The following TBCK variants were observed in gnomAD, a reference collection of about 807,000 sequenced individuals.
TBCK encodes TBC1 domain containing kinase, also known as TBC domain-containing protein kinase-like protein.
Under a neutral mutation model 113.4 loss-of-function variants are expected in TBCK, and 99 were observed. That is an observed-to-expected ratio of 0.87 (90% CI 0.74 to 1.03). TBCK has a LOEUF of 1.03. Ranked by LOEUF, TBCK falls within the 50% of genes least tolerant of loss-of-function variation. The pLI is 0.00. For missense variants in TBCK, 1,045 were observed against 1,061.3 expected (o/e 0.98, Z 0.21); for synonymous variants, 369 against 370.8 (o/e 1.00, Z 0.05).
chr4:106,045,980 T>A lies in TBCK; in HGVS notation c.*590A>T, dbSNP rs1486706218. ...GACCAAATATTCTATCAAATATAAA[T>A]GGTTTCTAAATTTCATTTTTCTGGG... On this transcript the variant is annotated 3_prime_UTR_variant, in exon 26 of 26. Coordinates refer to ENST00000394708, the MANE Select transcript of TBCK (RefSeq NM_001163435.3). 2 of 152,206 alleles carry A rather than the reference T, an allele frequency of 1.3e-5. No homozygotes were observed. Among genetic ancestry groups the A allele is most frequent in the Admixed American group, 6.5e-5 (1 of 15,280 alleles). 9.4% of individuals were successfully genotyped at this position (152,206 alleles called of 1,614,324 possible).
intron 2 of TBCK, among the ~76,000 whole-genome samples, chr4:106,306,222 A>C (rs1237383773): frequency 2.1e-5 from 3 of 144,542 alleles, no homozygotes; most frequent in Non-Finnish European, 3.0e-5. Context: ...GGAACAAGAC[A>C]CCATGCCTGG....
rs1385051662 is a variant in TBCK at position 106,187,230 on chromosome 4, T to C, written c.2059+6379A>G. Among the ~76,000 whole-genome samples, 4 of 152,228 alleles carry C rather than the reference T, an allele frequency of 2.6e-5. No individual in the cohort carries two copies. The East Asian group carries it at 7.7e-4, about 29-fold the overall frequency. ...TGCTTTGGTGATTCGGGCTCTTTTT[T>C]GGTTCCATATAAATTTTAGAATATT... On this transcript the variant is annotated intron_variant, in intron 22 of 25. Transcript: ENST00000394708.
intron 6 of TBCK, chr4:106,251,154 G>A: frequency 2.6e-6 from 1 of 390,646 alleles, no homozygotes; most frequent in South Asian, 2.0e-5. Flanking sequence ...ATATAAATTT[G>A]GCAAACTACT....
intron 2 of TBCK, among the ~76,000 whole-genome samples, chr4:106,299,433 T>C (rs1044517509): frequency 3.3e-5 from 5 of 152,248 alleles, no homozygotes; most frequent in African/African-American, 1.2e-4. Context: ...TCTTCATATC[T>C]ATAAGAGATT....
intron 22 of TBCK, among the ~76,000 whole-genome samples, chr4:106,184,718 G>A (rs1405439233): frequency 1.3e-5 from 2 of 151,860 alleles, no homozygotes; most frequent in African/African-American, 2.4e-5. Flanking sequence ...ATATGTTACC[G>A]GGCTCCAGAT....
At chr4:106,296,994 A>C (rs1232830983) in intron 2 of TBCK, among the ~76,000 whole-genome samples, 4 of 151,646 alleles carry the variant, frequency 2.6e-5, no homozygotes, top group Middle Eastern at 3.4e-3. Context: ...CCAAAAGAAG[A>C]AGCTGCATTC....
In TBCK at chr4:106,308,901, T is replaced by G. The variant is rs775570874; in HGVS notation, c.60A>C (p.Pro20=). The change falls in exon 2 of 26, where the codon CCA becomes CCC. Residue 20 remains proline (P), a synonymous_variant. Coordinates refer to ENST00000394708, the MANE Select transcript of TBCK (RefSeq NM_001163435.3). Reference sequence around the variant, plus strand: ...GTCCATTGCTTCCACAAACATCATGTGGCAGAGCCGAGGCAAAGAAGGTAA... The same window carrying G: ...GTCCATTGCTTCCACAAACATCATGGGGCAGAGCCGAGGCAAAGAAGGTAA... ...GAFTFFASAL[P]HDVCGSNGLP... The G allele has an allele frequency of 3.3e-5, 54 of 1,614,094 alleles. No homozygotes were observed. The Middle Eastern group carries it at 8.2e-4, about 25-fold the overall frequency.
chr4:106,168,841 A>T (rs1409725160), intron 23 of TBCK, among the ~76,000 whole-genome samples: 1 of 151,994 alleles, frequency 6.6e-6, no homozygotes, highest in Non-Finnish European at 1.5e-5. Context: ...CAACAACTAG[A>T]TAAATGAAAA....
At chr4:106,189,342 CAAAA>C (rs1189938399) in intron 22 of TBCK, among the ~76,000 whole-genome samples, 3 of 59,446 alleles carry the variant, frequency 5.0e-5, no homozygotes, top group Non-Finnish European at 3.9e-5. Context: ...GACTCCATCT[CAAAA>C]AAAAAAAAAA....
intron 19 of TBCK, 30 bp from the exon 20 acceptor site, chr4:106,212,865 A>T: frequency 3.7e-6 from 5 of 1,368,148 alleles, no homozygotes; most frequent in Non-Finnish European, 5.2e-6. Context: ...GACAATCATC[A>T]TTTTTACACA....
At chr4:106,194,645 T>C in intron 21 of TBCK, 73 bp downstream of exon 21, 1 of 1,158,204 alleles carries the variant, frequency 8.6e-7, no homozygotes, top group South Asian at 1.3e-5. Flanking sequence ...ATTGTAAATA[T>C]AAAATATGGG....
intron 23 of TBCK, among the ~76,000 whole-genome samples, chr4:106,153,227 T>C (rs1469523715): frequency 6.6e-6 from 1 of 152,100 alleles, no homozygotes; most frequent in East Asian, 1.9e-4. Flanking sequence ...AGTACTGTTT[T>C]TGCTGTACTT....
intron 2 of TBCK, among the ~76,000 whole-genome samples, chr4:106,298,858 A>G (rs921289475): frequency 2.6e-5 from 4 of 152,246 alleles, no homozygotes; most frequent in African/African-American, 9.6e-5. Context: ...TTGTGAGTAG[A>G]AGACATAAAC....
chr4:106,216,904 G>A (rs1204602148), intron 19 of TBCK, among the ~76,000 whole-genome samples: 1 of 151,728 alleles, frequency 6.6e-6, no homozygotes, highest in Admixed American at 6.6e-5. Context: ...GCCAGGCAGA[G>A]ACACAACCAA....
chr4:106,075,371 G>A (rs145173229), intron 25 of TBCK, among the ~76,000 whole-genome samples: 10 of 152,348 alleles, frequency 6.6e-5, no homozygotes, highest in Admixed American at 3.9e-4. Context: ...GTATGCCTGA[G>A]TATGGAGGAC....
At chr4:106,300,298 C>A (rs1560990820) in intron 2 of TBCK, among the ~76,000 whole-genome samples, 1 of 152,038 alleles carries the variant, frequency 6.6e-6, no homozygotes, top group Admixed American at 6.5e-5. Flanking sequence ...CAGGCTAATA[C>A]AAAGTTAACA....
At chr4:106,066,999 C>A (rs148182600) in intron 25 of TBCK, among the ~76,000 whole-genome samples, 1 of 151,958 alleles carries the variant, frequency 6.6e-6, no homozygotes, top group Non-Finnish European at 1.5e-5. Flanking sequence ...CTGTTTGAGT[C>A]CCTGTTTTCA....
intron 23 of TBCK, among the ~76,000 whole-genome samples, chr4:106,123,428 A>G (rs1447313708): frequency 2.0e-5 from 3 of 152,320 alleles, no homozygotes; most frequent in East Asian, 3.9e-4. Context: ...AATCAATATC[A>G]TGAAAATGGC....
intron 22 of TBCK, among the ~76,000 whole-genome samples, chr4:106,184,150 C>CT (rs754551000): frequency 1.3e-5 from 2 of 152,176 alleles, no homozygotes; most frequent in East Asian, 3.9e-4. Context: ...CTAAAAATCT[C>CT]TAACAGTGCC....
Sources: allele counts gnomAD v4.1 joint callset (sites outside exome capture counted in the v4.1 genomes callset), GRCh38; gene constraint gnomAD v4.1.1; transcripts MANE v1.5; gene names NCBI Gene and HGNC (gene_info 2026-07-23, HGNC 2026-07-21).